DIP2C: variants seen among roughly 807,000 people sequenced by gnomAD.
DIP2C encodes DIP2 acetate--CoA ligase C (putative).
A neutral mutation model predicts 192.4 loss-of-function variants in DIP2C; 33 were observed. That is an observed-to-expected ratio of 0.17 (90% CI 0.13 to 0.23). The LOEUF (loss-of-function observed/expected upper bound fraction) is 0.23, where lower values mean the gene tolerates loss of function less well. Ranked by LOEUF, DIP2C falls within the 10% of genes least tolerant of loss-of-function variation. DIP2C has a pLI of 1.00. For synonymous variants in DIP2C, 979 were observed against 864.1 expected (o/e 1.13, Z -2.33); for missense variants, 1,537 against 2,110.1 (o/e 0.73, Z 5.32).
Position 583,362 on chromosome 10 carries a change from A to AT in DIP2C, c.86-96833dup, listed in dbSNP as rs564932407. On this transcript the variant is annotated intron_variant, in intron 1 of 36. Transcript: ENST00000280886. ...TTTTTAAAAAGTTTATATGGAATGA[A>AT]TTATCCCAGGGAGCCTGTTTGGTAC... Among the ~76,000 whole-genome samples the AT allele has an allele frequency of 7.6e-4, 116 of 152,350 alleles. 1 individual carries two copies. In the Middle Eastern group the frequency reaches 0.014, roughly 18 times the overall value.
chr10:383,962 CGAAAA>C, intron 16 of DIP2C, 60 bp downstream of exon 16: 1 of 1,230,492 alleles, frequency 8.1e-7, no homozygotes, highest in Admixed American at 5.2e-5. Context: ...GCCTGCCTCA[CGAAAA>C]AAAAAAAAAA....
At chr10:284,215 C>A (rs542834267) in intron 34 of DIP2C, among the ~76,000 whole-genome samples, 8 of 152,174 alleles carry the variant, frequency 5.3e-5, no homozygotes, top group African/African-American at 1.7e-4. Context: ...TGGTCAAGTT[C>A]CAGGAAGTCA....
chr10:576,700 G>A (rs1367164178), intron 1 of DIP2C, among the ~76,000 whole-genome samples: 1 of 152,164 alleles, frequency 6.6e-6, no homozygotes, highest in African/African-American at 2.4e-5. Flanking sequence ...TTGAGATCAG[G>A]AGTTGGAGAC....
chr10:621,472 C>A (rs752369102), intron 1 of DIP2C, among the ~76,000 whole-genome samples: 14 of 152,036 alleles, frequency 9.2e-5, no homozygotes, highest in African/African-American at 2.4e-5. Context: ...TATGCGCTCA[C>A]GAGTCTATGC....
intron 29 of DIP2C, among the ~76,000 whole-genome samples, chr10:340,297 A>G (rs1958081153): frequency 1.3e-5 from 2 of 151,990 alleles, no homozygotes; most frequent in Non-Finnish European, 2.9e-5. Flanking sequence ...AAATGTGTAA[A>G]GAAGATTTAT....
At chr10:499,461 T>C (rs887483748) in intron 1 of DIP2C, among the ~76,000 whole-genome samples, 1 of 152,152 alleles carries the variant, frequency 6.6e-6, no homozygotes, top group African/African-American at 2.4e-5. Context: ...CTCAGGAAAC[T>C]TATGATCATG....
intron 10 of DIP2C, among the ~76,000 whole-genome samples, chr10:391,143 C>G (rs1963425723): frequency 1.3e-5 from 2 of 152,334 alleles, no homozygotes; most frequent in Non-Finnish European, 2.9e-5. Context: ...GGCTGGCGTT[C>G]AGCGGGTCGC....
chr10:573,014 G>A (rs541120670), intron 1 of DIP2C, among the ~76,000 whole-genome samples: 2 of 152,052 alleles, frequency 1.3e-5, no homozygotes, highest in African/African-American at 4.8e-5. Flanking sequence ...AAATAAACAT[G>A]TTTTCAGCAA....
chr10:518,951 G>C (rs1009738182), intron 1 of DIP2C, among the ~76,000 whole-genome samples: 57 of 152,338 alleles, frequency 3.7e-4, no homozygotes, highest in African/African-American at 1.2e-3. Flanking sequence ...TGGTGGCCGT[G>C]TCAAACTCCC....
rs374633598 is a variant in DIP2C, at chr10:616,428, T to G, written c.85+73066A>C. 2.4e-3 allele frequency among the ~76,000 whole-genome samples: 368 copies of G among 152,340 alleles called. 1 individual carries two copies. The highest frequency in any genetic ancestry group is 6.5e-3 in the African/African-American group (270 of 41,578). ...TTGCTTTGTTCATAAAAGATTTTCT[T>G]ATTTTAGGAATTTTTAAATCCATGG... On this transcript the variant is annotated intron_variant, in intron 1 of 36. Transcript: ENST00000280886.
At chr10:539,107 G>T (rs1847846491) in intron 1 of DIP2C, among the ~76,000 whole-genome samples, 2 of 152,194 alleles carry the variant, frequency 1.3e-5, no homozygotes, top group South Asian at 4.1e-4. Context: ...GACCTCAGTT[G>T]CGAGTTGTCT....
intron 1 of DIP2C, among the ~76,000 whole-genome samples, chr10:647,344 C>T (rs1471900125): frequency 1.3e-5 from 2 of 150,802 alleles, no homozygotes; most frequent in South Asian, 2.1e-4. Flanking sequence ...ACTGAGTCCA[C>T]GTCCACATTG....
intron 4 of DIP2C, among the ~76,000 whole-genome samples, chr10:433,765 T>C (rs1304988287): frequency 1.3e-5 from 2 of 152,228 alleles, no homozygotes; most frequent in East Asian, 3.8e-4. Context: ...TTTCTTTATA[T>C]CTAAAGTAGA....
At chr10:552,480 T>C (rs1374260303) in intron 1 of DIP2C, among the ~76,000 whole-genome samples, 1 of 152,264 alleles carries the variant, frequency 6.6e-6, no homozygotes, top group East Asian at 1.9e-4. Flanking sequence ...AGTGTTCTCA[T>C]AGACTAAGTA....
chr10:417,066 G>A (rs1965690754), intron 6 of DIP2C, among the ~76,000 whole-genome samples: 1 of 152,248 alleles, frequency 6.6e-6, no homozygotes, highest in Non-Finnish European at 1.5e-5. Flanking sequence ...TGAAAATACA[G>A]AAAAACACAC....
At chr10:309,220 T>A (rs1395773282) in intron 32 of DIP2C, among the ~76,000 whole-genome samples, 1 of 152,030 alleles carries the variant, frequency 6.6e-6, no homozygotes, top group Non-Finnish European at 1.5e-5. Context: ...GGGCAGAGAT[T>A]CCTCTAAAGG....
In DIP2C at chr10:684,245, T is replaced by G. The variant is rs766136887; in HGVS notation, c.85+5249A>C. The stretch of plus-strand genomic sequence containing the variant: ...TGCAGGTCACAATGTTTTCAATGCA[T>G]CTTGCACGCAACCAGTAATGATGTT... On this transcript the variant is annotated intron_variant, in intron 1 of 36. Transcript: ENST00000280886. Among the ~76,000 whole-genome samples the G allele has an allele frequency of 7.2e-5, 11 of 152,236 alleles. No homozygotes were observed. The South Asian group carries it at 1.9e-3, about 26-fold the overall frequency.
chr10:312,074 G>C (rs554798603), intron 31 of DIP2C, among the ~76,000 whole-genome samples: 208 of 152,302 alleles, frequency 1.4e-3, no homozygotes, highest in African/African-American at 4.7e-3. Flanking sequence ...CAAAGGGAGA[G>C]GCCAACATGC....
chr10:678,344 G>T (rs1830944446), intron 1 of DIP2C, among the ~76,000 whole-genome samples: 1 of 152,164 alleles, frequency 6.6e-6, no homozygotes, highest in South Asian at 2.1e-4. Flanking sequence ...CCACCAGGAA[G>T]AGAGAAGTCC....
Sources: allele counts gnomAD v4.1 joint callset (sites outside exome capture counted in the v4.1 genomes callset), GRCh38; gene constraint gnomAD v4.1.1; transcripts MANE v1.5; gene names NCBI Gene and HGNC (gene_info 2026-07-23, HGNC 2026-07-21).